Variants in SLC25A21 observed in about 807,000 individuals in gnomAD.
SLC25A21 encodes the protein solute carrier family 25 member 21.
A neutral mutation model predicts 43.8 loss-of-function variants in SLC25A21; 47 were observed. The ratio of observed to expected loss-of-function variants is 1.07; its 90% CI spans 0.85 to 1.37. The LOEUF is 1.37. SLC25A21 is among the 40% of genes most tolerant of loss of function. The probability of loss-of-function intolerance (pLI) is 0.00; values close to 1 mark genes in which losing one functional copy is unlikely to be tolerated. For missense variants in SLC25A21, 352 were observed against 350.2 expected, an observed-to-expected ratio of 1.00 and a Z score of -0.04; for synonymous variants, 131 against 121.3, an observed-to-expected ratio of 1.08 and a Z score of -0.52.
chr14:36,998,666 A>T, intron 1 of SLC25A21, among the ~76,000 whole-genome samples: 1 of 152,118 alleles, frequency 6.6e-6, no homozygotes, highest in East Asian at 1.9e-4. Context: ...ATAAAGGACT[A>T]TTATCCAAAA....
At chr14:36,930,599 C>A (rs1291496186) in intron 1 of SLC25A21, among the ~76,000 whole-genome samples, 3 of 152,108 alleles carry the variant, frequency 2.0e-5, no homozygotes, top group African/African-American at 7.2e-5. Flanking sequence ...CCACCCCCAG[C>A]CCCTGCTGTA....
At chr14:36,915,020 C>A (rs1891792487) in intron 1 of SLC25A21, among the ~76,000 whole-genome samples, 1 of 151,738 alleles carries the variant, frequency 6.6e-6, no homozygotes, top group Non-Finnish European at 1.5e-5. Context: ...AAAAAAAAAA[C>A]TTACTATTTT....
intron 1 of SLC25A21, among the ~76,000 whole-genome samples, chr14:36,979,375 A>T (rs1474813719): frequency 2.2e-5 from 3 of 137,000 alleles, no homozygotes; most frequent in African/African-American, 1.0e-4. Context: ...GTTTGTTTTG[A>T]GATGAAGTCT....
chr14:37,095,710 C>A (rs1237728587), intron 1 of SLC25A21, among the ~76,000 whole-genome samples: 1 of 151,778 alleles, frequency 6.6e-6, no homozygotes, highest in Non-Finnish European at 1.5e-5. Context: ...GGCAACATAG[C>A]AAGAACTCAT....
intron 3 of SLC25A21, among the ~76,000 whole-genome samples, chr14:36,789,296 T>C (rs1206853619): frequency 6.6e-6 from 1 of 152,108 alleles, no homozygotes; most frequent in African/African-American, 2.4e-5. Flanking sequence ...AGGCTCTGGT[T>C]TTCCTTAAAG....
At position 37,026,457 on chromosome 14, in the gene SLC25A21, G is replaced by A. The variant is rs141561758; in HGVS notation, c.70+145824C>T. 2.7e-3 allele frequency among the ~76,000 whole-genome samples: 414 copies of A among 152,092 alleles called. 1 individual carries two copies. The highest frequency in any genetic ancestry group is 8.8e-3 in the African/African-American group (365 of 41,500). ...TAGGTGCCAAAAGGAGCTCCTTGTCGCCACCAACTGTAAATTCCACATATT... is the reference window on the plus strand; with the variant it reads ...TAGGTGCCAAAAGGAGCTCCTTGTCACCACCAACTGTAAATTCCACATATT... On this transcript the variant is annotated intron_variant, in intron 1 of 9. Transcript: ENST00000331299.
intron 1 of SLC25A21, among the ~76,000 whole-genome samples, chr14:36,905,340 A>G (rs1891506591): frequency 6.6e-6 from 1 of 152,184 alleles, no homozygotes; most frequent in African/African-American, 2.4e-5. Flanking sequence ...TAAATCTGCC[A>G]TTCTTAGAGG....
At chr14:36,793,108 C>T (rs1887550039) in intron 3 of SLC25A21, among the ~76,000 whole-genome samples, 1 of 152,136 alleles carries the variant, frequency 6.6e-6, no homozygotes, top group African/African-American at 2.4e-5. Context: ...TAAGCACATA[C>T]ATAGGTGCAC....
chr14:37,133,075 A>G (rs1392504174), intron 1 of SLC25A21, among the ~76,000 whole-genome samples: 2 of 151,944 alleles, frequency 1.3e-5, no homozygotes, highest in Admixed American at 1.3e-4. Context: ...ATTACAGATA[A>G]GGATGTTGTT....
chr14:36,775,498 T>C (rs1199228290), intron 3 of SLC25A21, among the ~76,000 whole-genome samples: 1 of 152,160 alleles, frequency 6.6e-6, no homozygotes, highest in Non-Finnish European at 1.5e-5. Flanking sequence ...AAACACTGAT[T>C]TGAGCATTGG....
At chr14:37,031,010 T>C (rs1961199382) in intron 1 of SLC25A21, among the ~76,000 whole-genome samples, 1 of 152,204 alleles carries the variant, frequency 6.6e-6, no homozygotes. Flanking sequence ...GGATATGGAA[T>C]TCCAAAGATT....
At chr14:36,856,373 G>C (rs548404092) in intron 2 of SLC25A21, among the ~76,000 whole-genome samples, 29 of 152,258 alleles carry the variant, frequency 1.9e-4, no homozygotes, top group African/African-American at 6.5e-4. Context: ...GGTCAGGCCA[G>C]TCCTGATCTG....
At chr14:36,910,169 C>G (rs577253947) in intron 1 of SLC25A21, among the ~76,000 whole-genome samples, 1 of 152,304 alleles carries the variant, frequency 6.6e-6, no homozygotes, top group African/African-American at 2.4e-5. Flanking sequence ...CGATGCAAGT[C>G]TAAGTACAGA....
chr14:37,126,206 G>A (rs1224265050), intron 1 of SLC25A21, among the ~76,000 whole-genome samples: 1 of 152,092 alleles, frequency 6.6e-6, no homozygotes, highest in Non-Finnish European at 1.5e-5. Flanking sequence ...GGACTGATTT[G>A]AGCATTAGTT....
At chr14:36,784,004 T>C (rs777501824) in intron 3 of SLC25A21, among the ~76,000 whole-genome samples, 10 of 152,212 alleles carry the variant, frequency 6.6e-5, no homozygotes, top group South Asian at 4.1e-4. Context: ...AATTAAAATA[T>C]GACAGAAAAT....
intron 1 of SLC25A21, among the ~76,000 whole-genome samples, chr14:37,124,368 T>C (rs2138896079): frequency 6.6e-6 from 1 of 152,280 alleles, no homozygotes; most frequent in East Asian, 1.9e-4. Context: ...TTTCATATCA[T>C]CCTTTCCCGA....
At position 36,996,412 on chromosome 14, in the gene SLC25A21, C is replaced by T. The variant is rs550758690; in HGVS notation, c.71-121408G>A. 2.8e-4 allele frequency among the ~76,000 whole-genome samples: 42 copies of T among 152,168 alleles called. No individual in the cohort carries two copies. In the South Asian group the frequency reaches 3.9e-3, roughly 14 times the overall value. The stretch of plus-strand genomic sequence containing the variant: ...TAAAAGAAAGGTCTCTGGAGCCAGA[C>T]GACCAGGTTTCAAAGCCTAGATTCT... On this transcript the variant is annotated intron_variant, in intron 1 of 9. Transcript: ENST00000331299.
chr14:37,089,118 T>C (rs1962536718), intron 1 of SLC25A21, among the ~76,000 whole-genome samples: 2 of 152,150 alleles, frequency 1.3e-5, no homozygotes, highest in Admixed American at 1.3e-4. Flanking sequence ...TTCTCCACAG[T>C]CCACAAATTT....
chr14:37,019,209 T>C (rs974730018), intron 1 of SLC25A21, among the ~76,000 whole-genome samples: 6 of 151,932 alleles, frequency 3.9e-5, no homozygotes, highest in African/African-American at 1.4e-4. Context: ...TTGATTACTA[T>C]ACTTCAGCCA....
Sources: allele counts gnomAD v4.1 joint callset (sites outside exome capture counted in the v4.1 genomes callset), GRCh38; gene constraint gnomAD v4.1.1; transcripts MANE v1.5; gene names NCBI Gene and HGNC (gene_info 2026-07-23, HGNC 2026-07-21).